The following PCDHAC1 variants were observed in gnomAD, a reference collection of about 807,000 sequenced individuals.
PCDHAC1 encodes the protein protocadherin alpha subfamily C, 1.
A neutral mutation model predicts 60.0 loss-of-function variants in PCDHAC1; 42 were observed. The observed-to-expected ratio is 0.70, with a 90% CI of 0.55 to 0.90. The LOEUF is 0.90. Ranked by LOEUF, PCDHAC1 falls within the 40% of genes least tolerant of loss-of-function variation. The pLI, the probability that PCDHAC1 is intolerant of heterozygous loss-of-function variation, is 0.00. For synonymous variants in PCDHAC1, 468 were observed against 499.3 expected (o/e 0.94, Z 0.84); for missense variants, 1,160 against 1,222.3 (o/e 0.95, Z 0.76).
chr5:140,968,567 G>A (rs1586307422), intron 1 of PCDHAC1: 1 of 1,614,156 alleles, frequency 6.2e-7, no homozygotes, highest in East Asian at 2.2e-5. Flanking sequence ...TGCCCCTGCT[G>A]GCTACCTGGT....
In PCDHAC1 at chr5:140,949,013, T is replaced by C. The variant is rs541040709; in HGVS notation, c.2433+19688T>C. Among the ~76,000 whole-genome samples, 141 of 151,862 alleles carry C rather than the reference T, an allele frequency of 9.3e-4. No homozygotes were observed. In the Middle Eastern group the frequency reaches 0.01, roughly 11 times the overall value. On this transcript the variant is annotated intron_variant, in intron 1 of 3. Transcript: ENST00000253807. ...GCATTTTACTAATTTTTATATGTGATGTTTTTATTTTTATTCATTTAAAAG... is the reference window on the plus strand; with the variant it reads ...GCATTTTACTAATTTTTATATGTGACGTTTTTATTTTTATTCATTTAAAAG...
intron 1 of PCDHAC1, among the ~76,000 whole-genome samples, chr5:140,942,387 G>A (rs1398449068): frequency 1.3e-5 from 2 of 151,808 alleles, no homozygotes; most frequent in Admixed American, 1.3e-4. Context: ...ATTCCAGCCT[G>A]GGCGACAGAT....
At chr5:141,001,975 G>T (rs900969211) in intron 3 of PCDHAC1, among the ~76,000 whole-genome samples, 2 of 152,302 alleles carry the variant, frequency 1.3e-5, no homozygotes, top group Non-Finnish European at 2.9e-5. Flanking sequence ...GTCTCTGCGC[G>T]GAAAGCCTGG....
At chr5:141,000,854 G>A (rs2097968530) in intron 3 of PCDHAC1, among the ~76,000 whole-genome samples, 1 of 152,010 alleles carries the variant, frequency 6.6e-6, no homozygotes, top group Non-Finnish European at 1.5e-5. Flanking sequence ...CTGGCAGTCA[G>A]CCATGACCTC....
intron 3 of PCDHAC1, among the ~76,000 whole-genome samples, chr5:141,000,421 ATTTTTTTT>A (rs34755515): frequency 1.4e-4 from 4 of 27,978 alleles, no homozygotes; most frequent in African/African-American, 7.1e-4. Flanking sequence ...ATATATATAT[ATTTTTTTT>A]TTTTTTTTTT....
At chr5:140,982,360 AG>A in intron 2 of PCDHAC1, 114 bp from the exon 3 acceptor site, 1 of 1,527,158 alleles carries the variant, frequency 6.5e-7, no homozygotes, top group Non-Finnish European at 8.8e-7. Context: ...AAGCATGAGC[AG>A]AATGTGTTAG....
chr5:140,968,744 G>A (rs782484391), intron 1 of PCDHAC1: 20 of 1,614,164 alleles, frequency 1.2e-5, no homozygotes, highest in East Asian at 2.2e-5. Context: ...CAACCTGACC[G>A]TGGTGGTCCG....
In PCDHAC1 at chr5:140,965,644, G is replaced by C. The variant is rs201197561; in HGVS notation, c.2434-13305G>C. On this transcript the variant is annotated intron_variant, in intron 1 of 3. Transcript: ENST00000253807. Reference sequence around the variant, plus strand: ...AAAGAAAAAATTTTAAATTACTCTTGAAAGAAAATGTCTTGGGTGATAAAT... The same window carrying C: ...AAAGAAAAAATTTTAAATTACTCTTCAAAGAAAATGTCTTGGGTGATAAAT... Among the ~76,000 whole-genome samples, 13 of 152,146 alleles carry C rather than the reference G, an allele frequency of 8.5e-5. No individual in the cohort carries two copies. The East Asian group carries it at 2.5e-3, about 29-fold the overall frequency.
chr5:140,941,942 T>C (rs2093203170), intron 1 of PCDHAC1, among the ~76,000 whole-genome samples: 1 of 152,234 alleles, frequency 6.6e-6, no homozygotes, highest in African/African-American at 2.4e-5. Flanking sequence ...GAATTACTTT[T>C]GTTTTGAAAA....
intron 1 of PCDHAC1, among the ~76,000 whole-genome samples, chr5:140,945,439 A>G (rs1291434553): frequency 6.6e-6 from 1 of 152,188 alleles, no homozygotes; most frequent in Non-Finnish European, 1.5e-5. Flanking sequence ...TTACAGAAAT[A>G]TAAAAAACTT....
At chr5:140,997,456 C>T (rs2097770717) in intron 3 of PCDHAC1, among the ~76,000 whole-genome samples, 1 of 152,146 alleles carries the variant, frequency 6.6e-6, no homozygotes, top group African/African-American at 2.4e-5. Context: ...ATACTGAATA[C>T]TGTAGGCAAT....
Position 140,929,034 on chromosome 5 carries a change from C to A in PCDHAC1, c.2142C>A (p.Cys714Ter). 2.5e-6 allele frequency: 4 copies of A among 1,614,158 alleles called. No homozygotes were observed. The highest frequency in any genetic ancestry group is 3.4e-6 in the Non-Finnish European group (4 of 1,180,032). The change falls in exon 1 of 4, where the codon TGC becomes TGA. Residue 714 changes from cysteine to a stop codon, truncating the protein, a stop_gained. Coordinates refer to ENST00000253807, the MANE Select transcript of PCDHAC1 (RefSeq NM_018898.5). LOFTEE classifies it high-confidence loss of function. ...CTKLHQSPGCCAQSCCRSTED... is the reference protein window; with the variant it reads ...CTKLHQSPGC ...AGTTGCACCAGAGCCCAGGCTGTTG[C>A]GCTCAGAGCTGCTGTCGCTCTACAG...
chr5:140,968,118 C>T (rs141928119), intron 1 of PCDHAC1: 717 of 1,614,170 alleles, frequency 4.4e-4, no homozygotes, highest in Middle Eastern at 2.3e-3. Context: ...CAGCTCACAT[C>T]CCTGCGTACA....
At chr5:141,005,469 C>T (rs549630927) in intron 3 of PCDHAC1, among the ~76,000 whole-genome samples, 2 of 151,656 alleles carry the variant, frequency 1.3e-5, no homozygotes, top group South Asian at 2.1e-4. Flanking sequence ...TTTGGGAGGC[C>T]GAGACGGGCG....
intron 1 of PCDHAC1, chr5:140,967,023 G>C: frequency 6.2e-7 from 1 of 1,608,162 alleles, no homozygotes; most frequent in Non-Finnish European, 8.5e-7. Context: ...GGTGCGCCCA[G>C]TCCGCGCTAC....
chr5:140,952,157 T>TG (rs771517820), intron 1 of PCDHAC1, among the ~76,000 whole-genome samples: 33 of 152,162 alleles, frequency 2.2e-4, no homozygotes, highest in Non-Finnish European at 4.3e-4. Flanking sequence ...TGTGGCTTTG[T>TG]GGGGTTCAGT....
chr5:140,939,175 C>A (rs2092330886), intron 1 of PCDHAC1, among the ~76,000 whole-genome samples: 1 of 152,010 alleles, frequency 6.6e-6, no homozygotes, highest in African/African-American at 2.4e-5. Context: ...TGGTAATGGC[C>A]CACTCCCTGG....
rs115221257 is a variant in PCDHAC1 at position 140,951,407 on chromosome 5, A to G, written c.2433+22082A>G. On this transcript the variant is annotated intron_variant, in intron 1 of 3. Transcript: ENST00000253807. ...GGTAATTTATAAAGAAAAGAGGTTTAATTGGCTCACAGTTCCACAGGCTGT... is the reference window on the plus strand; with the variant it reads ...GGTAATTTATAAAGAAAAGAGGTTTGATTGGCTCACAGTTCCACAGGCTGT... Among the ~76,000 whole-genome samples the G allele has an allele frequency of 4.7e-3, 715 of 152,182 alleles. 3 individuals are homozygous for G. Among genetic ancestry groups the G allele is most frequent in the African/African-American group, 0.015 (625 of 41,530 alleles).
rs560256618 is a variant in PCDHAC1 at position 140,999,889 on chromosome 5, C to T, written c.2582-9738C>T. Among the ~76,000 whole-genome samples the T allele has an allele frequency of 2.0e-5, 3 of 152,292 alleles. No homozygotes were observed. In the East Asian group the frequency reaches 5.8e-4, roughly 29 times the overall value. ...TTACTGAAAATTAGCCCAGCTGTAG[C>T]TTGGGACACCAAACAGCCAAAAAAT... On this transcript the variant is annotated intron_variant, in intron 3 of 3. Coordinates refer to ENST00000253807, the MANE Select transcript of PCDHAC1 (RefSeq NM_018898.5).
Sources: allele counts gnomAD v4.1 joint callset (sites outside exome capture counted in the v4.1 genomes callset), GRCh38; gene constraint gnomAD v4.1.1; transcripts MANE v1.5; gene names NCBI Gene and HGNC (gene_info 2026-07-23, HGNC 2026-07-21).